Variants in TNIK observed in about 807,000 individuals in gnomAD.
TNIK encodes the protein TRAF2 and NCK-interacting protein kinase.
A neutral mutation model predicts 191.3 loss-of-function variants in TNIK; 49 were observed. The ratio of observed to expected loss-of-function variants is 0.26; its 90% CI spans 0.20 to 0.32. The LOEUF (loss-of-function observed/expected upper bound fraction) is 0.32. Ranked by LOEUF, TNIK falls within the 10% of genes least tolerant of loss-of-function variation. The pLI, the probability that TNIK is intolerant of heterozygous loss-of-function variation, is 1.00. For synonymous variants in TNIK, 594 were observed against 600.9 expected (o/e 0.99, Z 0.17); for missense variants, 1,155 against 1,702.3 (o/e 0.68, Z 5.66).
intron 1 of TNIK, among the ~76,000 whole-genome samples, chr3:171,397,504 G>C (rs530132963): frequency 6.6e-6 from 1 of 152,294 alleles, no homozygotes; most frequent in Non-Finnish European, 1.5e-5. Context: ...ATCGTGACTG[G>C]AATGAAAACA....
intron 1 of TNIK, among the ~76,000 whole-genome samples, chr3:171,451,451 T>C (rs1397440995): frequency 6.6e-6 from 1 of 152,218 alleles, no homozygotes; most frequent in Non-Finnish European, 1.5e-5. Flanking sequence ...ACCACCCAGG[T>C]AAGCCACTTC....
intron 2 of TNIK, among the ~76,000 whole-genome samples, chr3:171,305,117 A>T (rs575786844): frequency 2.6e-5 from 4 of 151,304 alleles, no homozygotes; most frequent in Non-Finnish European, 5.9e-5. Flanking sequence ...AGGGTGCCTG[A>T]AAACAGTGCT....
At chr3:171,256,510 C>G (rs1037925434) in intron 2 of TNIK, among the ~76,000 whole-genome samples, 1 of 152,138 alleles carries the variant, frequency 6.6e-6, no homozygotes, top group African/African-American at 2.4e-5. Flanking sequence ...AAAACAAAGC[C>G]ACAGATACAA....
intron 7 of TNIK, among the ~76,000 whole-genome samples, chr3:171,187,181 G>C (rs1431494521): frequency 6.6e-6 from 1 of 152,154 alleles, no homozygotes; most frequent in Admixed American, 6.5e-5. Context: ...TTGAAGAATT[G>C]CTTGTAGCTA....
chr3:171,195,623 A>C (rs575921432), intron 4 of TNIK, among the ~76,000 whole-genome samples: 1 of 152,288 alleles, frequency 6.6e-6, no homozygotes, highest in South Asian at 2.1e-4. Flanking sequence ...ATCTTCAGGC[A>C]GAAATTATAT....
At chr3:171,347,011 A>AC (rs745446992) in intron 2 of TNIK, 48 of 852,372 alleles carry the variant, frequency 5.6e-5, no homozygotes, top group Non-Finnish European at 8.4e-5. Flanking sequence ...ACATCAAGGG[A>AC]CAGTCCTGCA....
At chr3:171,327,900 TAAAAAAAAAAAAAAAAA>T (rs71634497) in intron 2 of TNIK, among the ~76,000 whole-genome samples, 2 of 79,622 alleles carry the variant, frequency 2.5e-5, no homozygotes, top group African/African-American at 4.1e-5. Flanking sequence ...ACCTGGCTCA[TAAAAAAAAAAAAAAAAA>T]AAAAAAAAAA....
chr3:171,140,835 A>G (rs1730719760), intron 12 of TNIK, among the ~76,000 whole-genome samples: 1 of 152,200 alleles, frequency 6.6e-6, no homozygotes, highest in South Asian at 2.1e-4. Context: ...CAGGTTATTT[A>G]TTACATATCA....
At chr3:171,258,802 T>C (rs1247119285) in intron 2 of TNIK, among the ~76,000 whole-genome samples, 2 of 152,310 alleles carry the variant, frequency 1.3e-5, no homozygotes, top group East Asian at 1.9e-4. Flanking sequence ...GTTTATCCTA[T>C]TGGTGAAGTA....
intron 1 of TNIK, among the ~76,000 whole-genome samples, chr3:171,376,750 A>AGATAGATAGATGATAGATAGATAGAT (rs1717291308): frequency 1.4e-5 from 1 of 69,896 alleles, no homozygotes; most frequent in African/African-American, 4.2e-5. Flanking sequence ...GATAGATGAT[A>AGATAGATAGATGATAGATAGATAGAT]GATAGATAGA....
At chr3:171,150,098 T>C (rs1732239776) in intron 12 of TNIK, among the ~76,000 whole-genome samples, 1 of 152,214 alleles carries the variant, frequency 6.6e-6, no homozygotes, top group Non-Finnish European at 1.5e-5. Flanking sequence ...GTCTCCTTCT[T>C]GTGCCCACTG....
At chr3:171,327,592 GT>G (rs1391010798) in intron 2 of TNIK, among the ~76,000 whole-genome samples, 5 of 152,084 alleles carry the variant, frequency 3.3e-5, no homozygotes, top group Non-Finnish European at 7.4e-5. Flanking sequence ...CAGGATGCCC[GT>G]GGCATTGCCT....
At chr3:171,086,667 T>A (rs572118008) in intron 24 of TNIK, among the ~76,000 whole-genome samples, 1 of 152,292 alleles carries the variant, frequency 6.6e-6, no homozygotes, top group South Asian at 2.1e-4. Flanking sequence ...ATAAACACAT[T>A]TAGGGCCTTA....
intron 28 of TNIK, among the ~76,000 whole-genome samples, chr3:171,076,153 TTAAG>T (rs1176262026): frequency 6.6e-6 from 1 of 152,042 alleles, no homozygotes; most frequent in Non-Finnish European, 1.5e-5. Flanking sequence ...TGACATGTTA[TTAAG>T]TGAGGAACAT....
At chr3:171,200,292 G>A (rs1739248155) in intron 4 of TNIK, among the ~76,000 whole-genome samples, 1 of 152,204 alleles carries the variant, frequency 6.6e-6, no homozygotes, top group African/African-American at 2.4e-5. Context: ...GTTGGGGGCA[G>A]GATGAGGACT....
intron 21 of TNIK, among the ~76,000 whole-genome samples, chr3:171,104,738 CT>C (rs34355249): frequency 6.6e-6 from 1 of 151,524 alleles, no homozygotes; most frequent in Non-Finnish European, 1.5e-5. Flanking sequence ...AAACTATTTT[CT>C]TTTTAGGAAC....
rs747724436 is a variant in TNIK, at chr3:171,079,538, C to T, written c.3428G>A (p.Gly1143Asp). The stretch of plus-strand genomic sequence containing the variant: ...CTTACCAACTTTATAATGTATACAG[C>T]CTTCCAAGTCCCCAACAGTGATCCA... ...QGWITVGDLE[G>D]CIHYKVVKYE... Residue 1143 changes from glycine (G) to aspartate (D), a missense_variant, in exon 28 of 33, where the codon GGC (glycine) becomes GAC (aspartate). Physicochemically the swap from Gly to Asp is moderately conservative, Grantham distance 94 (BLOSUM62 -1). This residue lies in a region of TNIK where 195 missense variants were observed against 415.4 expected (regional missense o/e 0.47). Coordinates refer to ENST00000436636, the MANE Select transcript of TNIK (RefSeq NM_015028.4). 8.2e-5 allele frequency: 132 copies of T among 1,613,480 alleles called. No individual in the cohort carries two copies. The highest frequency in any genetic ancestry group is 1.1e-4 in the Non-Finnish European group (127 of 1,179,722).
intron 26 of TNIK, 59 bp downstream of exon 26, chr3:171,084,096 G>A: frequency 6.8e-7 from 1 of 1,462,352 alleles, no homozygotes; most frequent in South Asian, 1.4e-5. Flanking sequence ...TAATGTTTGA[G>A]GGTCAGTTCA....
intron 1 of TNIK, among the ~76,000 whole-genome samples, chr3:171,445,952 G>GC (rs1283711393): frequency 6.6e-6 from 1 of 152,126 alleles, no homozygotes; most frequent in African/African-American, 2.4e-5. Context: ...TCGTGTTGTA[G>GC]CAACTGTAAG....
Sources: allele counts gnomAD v4.1 joint callset (sites outside exome capture counted in the v4.1 genomes callset), GRCh38; gene constraint gnomAD v4.1.1; regional missense constraint gnomAD v4.1.1; transcripts MANE v1.5; gene names NCBI Gene and HGNC (gene_info 2026-07-23, HGNC 2026-07-21).